Variants in PTPRN2 observed in about 807,000 individuals in gnomAD.
PTPRN2 encodes protein tyrosine phosphatase receptor type N2, also known as receptor-type tyrosine-protein phosphatase N2.
A neutral mutation model predicts 118.8 loss-of-function variants in PTPRN2; 74 were observed. The ratio of observed to expected loss-of-function variants is 0.62; its 90% CI spans 0.52 to 0.76. The LOEUF (loss-of-function observed/expected upper bound fraction) is 0.76, where lower values mean the gene tolerates loss of function less well. Ranked by LOEUF, PTPRN2 falls within the 30% of genes least tolerant of loss-of-function variation. The pLI is 0.00. For synonymous variants in PTPRN2, 641 were observed against 608.0 expected, an observed-to-expected ratio of 1.05 and a Z score of -0.80; for missense variants, 1,481 against 1,394.4, an observed-to-expected ratio of 1.06 and a Z score of -0.99.
At chr7:158,434,560 T>C (rs1417959037) in intron 2 of PTPRN2, among the ~76,000 whole-genome samples, 1 of 152,198 alleles carries the variant, frequency 6.6e-6, no homozygotes, top group African/African-American at 2.4e-5. Context: ...ACATTGAAGG[T>C]GGTCCCTTGC....
intron 11 of PTPRN2, among the ~76,000 whole-genome samples, chr7:158,062,656 C>T (rs1310869639): frequency 6.6e-6 from 1 of 152,180 alleles, no homozygotes; most frequent in African/African-American, 2.4e-5. Flanking sequence ...CGGCAGGCCC[C>T]ACACTCGGAG....
At chr7:157,744,370 T>C (rs1202201039) in intron 12 of PTPRN2, among the ~76,000 whole-genome samples, 1 of 152,048 alleles carries the variant, frequency 6.6e-6, no homozygotes, top group African/African-American at 2.4e-5. Flanking sequence ...TGATAGGAAC[T>C]GGGGACCCGA....
chr7:158,095,973 C>CA (rs1367267570), intron 10 of PTPRN2, among the ~76,000 whole-genome samples: 2 of 152,244 alleles, frequency 1.3e-5, no homozygotes, highest in Non-Finnish European at 2.9e-5. Context: ...GTCCAGTACC[C>CA]AAATCCAGCA....
chr7:158,288,295 A>G (rs1044535736), intron 3 of PTPRN2, among the ~76,000 whole-genome samples: 1 of 152,136 alleles, frequency 6.6e-6, no homozygotes, highest in African/African-American at 2.4e-5. Context: ...CACAGTAATT[A>G]TTGACAGGCA....
At chr7:157,834,339 T>A (rs1807790916) in intron 12 of PTPRN2, among the ~76,000 whole-genome samples, 1 of 118,158 alleles carries the variant, frequency 8.5e-6, no homozygotes, top group Admixed American at 8.7e-5. Flanking sequence ...CTCCCTGTGA[T>A]CAATCCATCA....
intron 2 of PTPRN2, among the ~76,000 whole-genome samples, chr7:158,332,327 AGCT>A (rs1804644093): frequency 2.1e-5 from 1 of 48,078 alleles, no homozygotes; most frequent in African/African-American, 4.9e-5. Flanking sequence ...TCACCATAAG[AGCT>A]GAGGCCCACA....
chr7:158,267,310 G>A lies in PTPRN2; in HGVS notation c.277+49509C>T, dbSNP rs755449293. On this transcript the variant is annotated intron_variant, in intron 3 of 22. Coordinates refer to ENST00000389418, the MANE Select transcript of PTPRN2 (RefSeq NM_002847.5). ...GGCTGGCCCGGCAGAGCTGGTTCCC[G>A]CGGGGAACCCCGGGGGCGTGGTGCT... Among the ~76,000 whole-genome samples, 91 of 141,838 alleles carry A rather than the reference G, an allele frequency of 6.4e-4. 1 individual carries two copies. Among genetic ancestry groups the A allele is most frequent in the East Asian group, 6.0e-4 (3 of 5,032 alleles). 93.1% of individuals were successfully genotyped at this position (141,838 alleles called of 152,430 possible). A position where few individuals can be genotyped will look rare whatever the true frequency, so the allele number is the denominator to read the frequency against.
chr7:158,178,589 CTTTTTTTTTTT>C (rs56710690), intron 5 of PTPRN2, among the ~76,000 whole-genome samples: 1 of 67,390 alleles, frequency 1.5e-5, no homozygotes, highest in Non-Finnish European at 2.8e-5. Flanking sequence ...CATTTTCTTT[CTTTTTTTTTTT>C]TTTTTTTTTT....
At chr7:157,749,341 T>C (rs1287792892) in intron 12 of PTPRN2, among the ~76,000 whole-genome samples, 1 of 127,050 alleles carries the variant, frequency 7.9e-6, no homozygotes, top group Non-Finnish European at 1.6e-5. Context: ...GAGGCCTGCG[T>C]CCCTGAGCTA....
intron 1 of PTPRN2, 118 bp downstream of exon 1, chr7:158,587,440 C>G (rs1180234510): frequency 4.0e-6 from 1 of 251,864 alleles, no homozygotes; most frequent in Non-Finnish European, 5.1e-6. Flanking sequence ...AGGCGCCTCT[C>G]CCCCCGACCC....
At chr7:157,721,625 G>T (rs74351299) in intron 12 of PTPRN2, among the ~76,000 whole-genome samples, 1 of 152,176 alleles carries the variant, frequency 6.6e-6, no homozygotes, top group African/African-American at 2.4e-5. Context: ...TCTACACTGG[G>T]TGTGCCCGAG....
In PTPRN2 at chr7:158,082,503, C is replaced by T. The variant is rs541642192; in HGVS notation, c.1644-1126G>A. ...ATGTGCAAGCCCTTGGTGAAGGGGA[C>T]TGTCGTGCCATTACGAGGCAGCACA... is the stretch of plus-strand genomic sequence containing the variant. On this transcript the variant is annotated intron_variant, in intron 10 of 22. Coordinates refer to ENST00000389418, the MANE Select transcript of PTPRN2 (RefSeq NM_002847.5). Among the ~76,000 whole-genome samples the T allele has an allele frequency of 5.9e-5, 9 of 152,360 alleles. No individual in the cohort carries two copies. The South Asian group carries it at 1.9e-3, about 32-fold the overall frequency.
intron 12 of PTPRN2, among the ~76,000 whole-genome samples, chr7:157,773,016 C>A (rs1274013554): frequency 6.6e-6 from 1 of 152,212 alleles, no homozygotes; most frequent in African/African-American, 2.4e-5. Context: ...GTGATACAAC[C>A]AGCTTCCCAG....
chr7:157,634,027 A>G (rs572487541), intron 14 of PTPRN2, among the ~76,000 whole-genome samples: 1 of 152,194 alleles, frequency 6.6e-6, no homozygotes, highest in East Asian at 1.9e-4. Flanking sequence ...GCGCGTGGGG[A>G]ACAGCAGTGG....
At position 158,417,472 on chromosome 7, in the gene PTPRN2, T is replaced by A. The variant is rs189804365; in HGVS notation, c.163+72263A>T. 3.2e-3 allele frequency among the ~76,000 whole-genome samples: 481 copies of A among 149,666 alleles called. 13 individuals carry two copies. The highest frequency in any genetic ancestry group is 0.011 in the African/African-American group (457 of 39,850). On this transcript the variant is annotated intron_variant, in intron 2 of 22. Coordinates refer to ENST00000389418, the MANE Select transcript of PTPRN2 (RefSeq NM_002847.5). ...AGTGTCCCGCTGTGTTGTCATGGTG[T>A]ACTACATCGAGATGCTCTAGCTCTC...
rs59883678 is a variant in PTPRN2, at chr7:158,454,338, G to A, written c.163+35397C>T. 1.4e-3 allele frequency among the ~76,000 whole-genome samples: 211 copies of A among 149,352 alleles called. No homozygotes were observed. In the Middle Eastern group the frequency reaches 0.021, roughly 15 times the overall value. On this transcript the variant is annotated intron_variant, in intron 2 of 22. Transcript: ENST00000389418. Reference sequence around the variant, plus strand: ...AATCACTGATGTGAGGATTGGGGACGGTTGCTACAGAGGACAGACAAGACA... The same window carrying A: ...AATCACTGATGTGAGGATTGGGGACAGTTGCTACAGAGGACAGACAAGACA...
intron 1 of PTPRN2, among the ~76,000 whole-genome samples, chr7:158,586,449 A>T (rs182027424): frequency 2.7e-5 from 4 of 150,556 alleles, no homozygotes; most frequent in South Asian, 2.1e-4. Flanking sequence ...ACGGCGAAGG[A>T]CCCCCCTCCA....
intron 12 of PTPRN2, among the ~76,000 whole-genome samples, chr7:157,818,274 T>C (rs1324461228): frequency 6.6e-6 from 1 of 152,068 alleles, no homozygotes; most frequent in African/African-American, 2.4e-5. Flanking sequence ...GTGTGGTAGA[T>C]GCCGGCAGTG....
intron 2 of PTPRN2, among the ~76,000 whole-genome samples, chr7:158,451,905 T>C (rs1818118682): frequency 6.6e-6 from 1 of 152,242 alleles, no homozygotes; most frequent in Admixed American, 6.5e-5. Flanking sequence ...AATTCCATTA[T>C]ATTTTTAAGT....
Sources: allele counts gnomAD v4.1 joint callset (sites outside exome capture counted in the v4.1 genomes callset), GRCh38; gene constraint gnomAD v4.1.1; transcripts MANE v1.5; gene names NCBI Gene and HGNC (gene_info 2026-07-23, HGNC 2026-07-21).